Variants in RNF216 observed in about 807,000 individuals in gnomAD.
The protein encoded by RNF216 is ring finger protein 216.
RNF216 carries 72 observed loss-of-function variants against 110.8 expected under a neutral mutation model. The ratio of observed to expected loss-of-function variants is 0.65; its 90% CI spans 0.54 to 0.79. The LOEUF (loss-of-function observed/expected upper bound fraction) is 0.79. Among genes scored for constraint, RNF216 ranks in the 30% least tolerant of loss-of-function variants. The pLI is 0.00. For missense variants in RNF216, 1,342 were observed against 1,141.2 expected, an observed-to-expected ratio of 1.18 and a Z score of -2.54; for synonymous variants, 495 against 407.5, an observed-to-expected ratio of 1.21 and a Z score of -2.59.
intron 13 of RNF216, among the ~76,000 whole-genome samples, chr7:5,710,939 A>C (rs1453228181): frequency 1.3e-5 from 2 of 152,180 alleles, no homozygotes; most frequent in Non-Finnish European, 1.5e-5. Context: ...GAACATATAA[A>C]ATGGCCAGAA....
chr7:5,776,742 A>T (rs1360091973), intron 1 of RNF216, among the ~76,000 whole-genome samples: 3 of 151,238 alleles, frequency 2.0e-5, no homozygotes, highest in Non-Finnish European at 4.4e-5. Flanking sequence ...CTACTAAAAA[A>T]ATACAAAAAT....
At chr7:5,646,081 C>T (rs955073917) in intron 14 of RNF216, among the ~76,000 whole-genome samples, 3 of 152,156 alleles carry the variant, frequency 2.0e-5, no homozygotes, top group African/African-American at 7.2e-5. Context: ...TGTGAATGGG[C>T]CATACTTTCC....
chr7:5,698,047 T>G (rs1791735875), intron 13 of RNF216, among the ~76,000 whole-genome samples: 2 of 152,198 alleles, frequency 1.3e-5, no homozygotes, highest in Admixed American at 1.3e-4. Flanking sequence ...TCATACAAGC[T>G]TCTGACGGGA....
chr7:5,721,202 G>T, intron 8 of RNF216, 30 bp from the exon 9 acceptor site: 1 of 1,608,452 alleles, frequency 6.2e-7, no homozygotes. Flanking sequence ...GCAAAAGCAT[G>T]CAGACAACTA....
At chr7:5,750,086 A>G (rs760344096) in intron 3 of RNF216, among the ~76,000 whole-genome samples, 1 of 152,208 alleles carries the variant, frequency 6.6e-6, no homozygotes, top group African/African-American at 2.4e-5. Context: ...TTTTATGGCA[A>G]TATCATTATT....
chr7:5,723,198 C>T (rs1469993504), intron 8 of RNF216, among the ~76,000 whole-genome samples: 1 of 152,068 alleles, frequency 6.6e-6, no homozygotes, highest in Non-Finnish European at 1.5e-5. Flanking sequence ...AGAAAAGTGA[C>T]TGGTACATAT....
intron 5 of RNF216, among the ~76,000 whole-genome samples, chr7:5,735,827 G>C (rs535368185): frequency 2.0e-5 from 3 of 152,196 alleles, no homozygotes; most frequent in African/African-American, 7.2e-5. Flanking sequence ...AGGTGCAGTG[G>C]GTCACACCTG....
At chr7:5,735,815 C>T (rs1220001437) in intron 5 of RNF216, among the ~76,000 whole-genome samples, 1 of 152,182 alleles carries the variant, frequency 6.6e-6, no homozygotes, top group Non-Finnish European at 1.5e-5. Context: ...TAAGGGAAGG[C>T]CAGGTGCAGT....
At chr7:5,632,640 G>A (rs1314839675) in intron 15 of RNF216, among the ~76,000 whole-genome samples, 1 of 152,164 alleles carries the variant, frequency 6.6e-6, no homozygotes, top group Non-Finnish European at 1.5e-5. Context: ...AGCCAGGCGT[G>A]GTGGTGGGTG....
At chr7:5,659,636 G>T (rs1421176641) in intron 13 of RNF216, among the ~76,000 whole-genome samples, 1 of 152,204 alleles carries the variant, frequency 6.6e-6, no homozygotes, top group Non-Finnish European at 1.5e-5. Context: ...GGTTTGCTGG[G>T]GTTGTAGGAC....
rs558107710 is a variant in RNF216, at chr7:5,630,763, C to T, written c.2383-6638G>A. Among the ~76,000 whole-genome samples, 48 of 152,300 alleles carry T rather than the reference C, an allele frequency of 3.2e-4. No homozygotes were observed. The South Asian group carries it at 8.5e-3, about 27-fold the overall frequency. On this transcript the variant is annotated intron_variant, in intron 15 of 16. Coordinates refer to ENST00000389902, the MANE Select transcript of RNF216 (RefSeq NM_207111.4). ...TAACATGCACTGAGAGATTACTATG[C>T]ACCAGCCCCTGTCTACACACCTCAC...
At chr7:5,687,394 C>CAAAAAAAAAAA (rs372177142) in intron 13 of RNF216, among the ~76,000 whole-genome samples, 28 of 49,462 alleles carry the variant, frequency 5.7e-4, no homozygotes, top group Non-Finnish European at 1.1e-3. Flanking sequence ...AACTCCACCT[C>CAAAAAAAAAAA]AAAAAAAAAA....
At chr7:5,691,215 C>T (rs1286891043) in intron 13 of RNF216, among the ~76,000 whole-genome samples, 1 of 152,212 alleles carries the variant, frequency 6.6e-6, no homozygotes, top group African/African-American at 2.4e-5. Context: ...CAGGTCTACC[C>T]ATGGTGAAGG....
chr7:5,623,127 C>T lies in RNF216; in HGVS notation c.2505G>A (p.Val835=). Residue 835 remains valine, a synonymous_variant, in exon 17 of 17, where the codon GTG becomes GTA. Transcript: ENST00000389902. ...GCCTCGGGAGGGCCTCCACCCTCTG[C>T]ACCTTCTCCACAGGCTTCTCCAGCG... is the stretch of plus-strand genomic sequence containing the variant. ...GPPLEKPVEK[V]QRVEALPRPV... is the part of the protein sequence containing the mutation. 2 of 1,597,600 alleles carry T rather than the reference C, an allele frequency of 1.3e-6. No homozygotes were observed. Among genetic ancestry groups the T allele is most frequent in the East Asian group, 2.2e-5 (1 of 44,518 alleles).
At chr7:5,705,701 G>C (rs1056541584) in intron 13 of RNF216, among the ~76,000 whole-genome samples, 1 of 152,096 alleles carries the variant, frequency 6.6e-6, no homozygotes, top group Non-Finnish European at 1.5e-5. Context: ...CTGAGGTCAG[G>C]AGTTCGAGAC....
intron 15 of RNF216, among the ~76,000 whole-genome samples, chr7:5,635,058 A>C (rs1020576784): frequency 1.3e-5 from 2 of 152,122 alleles, no homozygotes; most frequent in African/African-American, 4.8e-5. Context: ...TGGTTGGAAG[A>C]CCTGGGCTCA....
intron 13 of RNF216, among the ~76,000 whole-genome samples, chr7:5,668,869 T>C (rs915155269): frequency 2.0e-5 from 3 of 152,142 alleles, no homozygotes; most frequent in Non-Finnish European, 4.4e-5. Flanking sequence ...CTACGGGAAA[T>C]AGTAAAACAC....
intron 3 of RNF216, among the ~76,000 whole-genome samples, chr7:5,751,373 G>T (rs1055661521): frequency 6.6e-6 from 1 of 152,106 alleles, no homozygotes; most frequent in Admixed American, 6.6e-5. Flanking sequence ...CACTGTTTTG[G>T]ACTAAGTGTG....
At chr7:5,636,425 T>C (rs932453574) in intron 15 of RNF216, among the ~76,000 whole-genome samples, 1 of 152,234 alleles carries the variant, frequency 6.6e-6, no homozygotes, top group African/African-American at 2.4e-5. Context: ...GAGTGGTAGT[T>C]CAGGTTCCCA....
Sources: gnomAD v4.1 joint callset for allele counts (sites outside exome capture counted in the v4.1 genomes callset) on GRCh38, gnomAD v4.1.1 for gene constraint, MANE v1.5 for transcripts, NCBI Gene and HGNC (gene_info 2026-07-23, HGNC 2026-07-21) for gene names.